The following TXNRD1 variants were observed in gnomAD, a reference collection of about 807,000 sequenced individuals.
The protein encoded by TXNRD1 is thioredoxin reductase 1, cytoplasmic.
A neutral mutation model predicts 80.3 loss-of-function variants in TXNRD1; 57 were observed. The ratio of observed to expected loss-of-function variants is 0.71; its 90% CI spans 0.57 to 0.89. The LOEUF is 0.89. TXNRD1 is among the 40% of genes least tolerant of loss of function. TXNRD1 has a pLI of 0.00. For synonymous variants in TXNRD1, 291 were observed against 285.2 expected (o/e 1.02, Z -0.20); for missense variants, 730 against 803.0 (o/e 0.91, Z 1.10).
At chr12:104,231,050 A>C (rs1028165367) in intron 1 of TXNRD1, among the ~76,000 whole-genome samples, 1 of 152,158 alleles carries the variant, frequency 6.6e-6, no homozygotes, top group Non-Finnish European at 1.5e-5. Flanking sequence ...TTGCATTTTC[A>C]TATCAAAGGT....
intron 3 of TXNRD1, among the ~76,000 whole-genome samples, chr12:104,267,657 CT>C (rs1259336991): frequency 0.027 from 841 of 31,230 alleles, 12 homozygotes; most frequent in African/African-American, 0.089. Context: ...ATCTTTCTTT[CT>C]TTCTTTCTTT....
chr12:104,334,914 A>G (rs977938397), intron 15 of TXNRD1, among the ~76,000 whole-genome samples: 2 of 152,176 alleles, frequency 1.3e-5, no homozygotes, highest in African/African-American at 4.8e-5. Flanking sequence ...TTTATAGAAG[A>G]GGAACAATAA....
At chr12:104,223,913 G>A (rs2032412000) in intron 1 of TXNRD1, among the ~76,000 whole-genome samples, 1 of 152,168 alleles carries the variant, frequency 6.6e-6, no homozygotes. Context: ...TCTGGCCCTG[G>A]GTGTGGGCAG....
chr12:104,267,718 T>TCTA (rs1491294814), intron 3 of TXNRD1, among the ~76,000 whole-genome samples: 1 of 51,712 alleles, frequency 1.9e-5, no homozygotes, highest in Non-Finnish European at 4.8e-5. Context: ...TCTTTCTTTC[T>TCTA]TTCTCTTTCT....
chr12:104,301,136 T>C (rs1011897605), intron 4 of TXNRD1, among the ~76,000 whole-genome samples: 2 of 152,222 alleles, frequency 1.3e-5, no homozygotes, highest in East Asian at 3.8e-4. Flanking sequence ...TCCTGAGAAA[T>C]CCCTGTAAAT....
At chr12:104,256,505 G>A (rs978302039) in intron 2 of TXNRD1, among the ~76,000 whole-genome samples, 2 of 152,140 alleles carry the variant, frequency 1.3e-5, no homozygotes, top group East Asian at 1.9e-4. Flanking sequence ...TACTGGCTGC[G>A]TATGGTGGCT....
chr12:104,276,598 C>T (rs2033763314), intron 3 of TXNRD1: 1 of 152,236 alleles, frequency 6.6e-6, no homozygotes, highest in South Asian at 2.1e-4. Flanking sequence ...TTCCACTTCA[C>T]TAACAGTCAA....
At chr12:104,295,624 C>G (rs373857721) in intron 4 of TXNRD1, among the ~76,000 whole-genome samples, 6 of 152,160 alleles carry the variant, frequency 3.9e-5, no homozygotes, top group African/African-American at 9.7e-5. Flanking sequence ...CAGTTTTCCT[C>G]CTCACTTCTA....
At chr12:104,280,876 A>G (rs2033862082) in intron 3 of TXNRD1, among the ~76,000 whole-genome samples, 1 of 152,236 alleles carries the variant, frequency 6.6e-6, no homozygotes, top group Admixed American at 6.5e-5. Context: ...TCTTTAAAAA[A>G]AAGAAAAGAA....
chr12:104,289,141 A>T (rs2034085362), intron 4 of TXNRD1, 101 bp downstream of exon 4: 1 of 1,398,016 alleles, frequency 7.2e-7, no homozygotes, highest in East Asian at 2.3e-5. Context: ...TGACCCTCCA[A>T]ACGGGACGCA....
chr12:104,326,043 AT>A (rs1157255455), intron 11 of TXNRD1, among the ~76,000 whole-genome samples: 1 of 152,220 alleles, frequency 6.6e-6, no homozygotes, highest in Admixed American at 6.5e-5. Context: ...CACTTAAAAA[AT>A]AATTTAGTTA....
intron 4 of TXNRD1, among the ~76,000 whole-genome samples, chr12:104,302,194 TG>T (rs1283118398): frequency 4.6e-5 from 7 of 152,162 alleles, no homozygotes; most frequent in African/African-American, 1.7e-4. Flanking sequence ...ATAAAATAAT[TG>T]GGAGCAAATG....
intron 7 of TXNRD1, 42 bp downstream of exon 7, chr12:104,315,938 G>C (rs1303729519): frequency 1.3e-6 from 2 of 1,566,284 alleles, no homozygotes; most frequent in East Asian, 2.3e-5. Context: ...TGCTTTTGGG[G>C]GTTTGAGCTG....
intron 1 of TXNRD1, among the ~76,000 whole-genome samples, chr12:104,221,572 C>T (rs2135674042): frequency 6.6e-6 from 1 of 152,312 alleles, no homozygotes; most frequent in East Asian, 1.9e-4. Context: ...CCCACCTCAG[C>T]CTCCCAAAGT....
chr12:104,319,661 C>G, intron 9 of TXNRD1, 76 bp downstream of exon 9: 4 of 1,087,974 alleles, frequency 3.7e-6, no homozygotes, highest in Non-Finnish European at 5.4e-6. Context: ...AAACCCACTG[C>G]GTCAATTTCT....
intron 2 of TXNRD1, 41 bp from the exon 3 acceptor site, chr12:104,257,978 C>T (rs778909127): frequency 1.4e-6 from 2 of 1,451,248 alleles, no homozygotes; most frequent in African/African-American, 1.4e-5. Context: ...TGGTTATAAC[C>T]TCATTTTTCA....
intron 10 of TXNRD1, among the ~76,000 whole-genome samples, chr12:104,322,749 T>C (rs7969604): frequency 0.93 from 140,992 of 152,192 alleles, 65,462 homozygotes; most frequent in East Asian, 1. Context: ...TAAACAACAG[T>C]TGTATGTATA....
At chr12:104,258,743 G>A (rs1015083365) in intron 3 of TXNRD1, among the ~76,000 whole-genome samples, 4 of 152,092 alleles carry the variant, frequency 2.6e-5, no homozygotes, top group African/African-American at 9.7e-5. Flanking sequence ...CTGGGCAAGA[G>A]TGAGAGCTTG....
At chr12:104,263,822 G>A (rs2033420013) in intron 3 of TXNRD1, among the ~76,000 whole-genome samples, 1 of 152,172 alleles carries the variant, frequency 6.6e-6, no homozygotes. Context: ...TTCAGCAAGA[G>A]GGAGAGGAAC....
Sources: gnomAD v4.1 joint callset for allele counts (sites outside exome capture counted in the v4.1 genomes callset) on GRCh38, gnomAD v4.1.1 for gene constraint, MANE v1.5 for transcripts, NCBI Gene and HGNC (gene_info 2026-07-23, HGNC 2026-07-21) for gene names.